Variants in OTULIN observed in about 807,000 individuals in gnomAD.
OTULIN encodes ubiquitin thioesterase otulin.
OTULIN carries 15 observed loss-of-function variants against 39.6 expected under a neutral mutation model. That is an observed-to-expected ratio of 0.38 (90% CI 0.25 to 0.58). OTULIN has a LOEUF of 0.58. OTULIN is among the 20% of genes least tolerant of loss of function. The probability of loss-of-function intolerance (pLI) is 0.66; values close to 1 mark genes in which losing one functional copy is unlikely to be tolerated. For synonymous variants in OTULIN, 156 were observed against 170.3 expected (o/e 0.92, Z 0.65); for missense variants, 319 against 445.9 (o/e 0.72, Z 2.56).
At chr5:14,678,937 G>C (rs1025096148) in intron 3 of OTULIN, among the ~76,000 whole-genome samples, 162 bp downstream of exon 3, 2 of 135,222 alleles carry the variant, frequency 1.5e-5, no homozygotes, top group East Asian at 1.9e-4. Flanking sequence ...CAAAGATAAG[G>C]GTTTTGTTTT....
the OTULIN span, chr5:14,707,384 C>T: frequency 2.0e-5 from 3 of 152,220 alleles, no homozygotes. Context: ...CCCCCTGCCC[C>T]TTCCCTCCAG....
At chr5:14,704,447 C>T (rs1736881600), downstream of OTULIN, among the ~76,000 whole-genome samples, 1 of 151,646 alleles carries the variant, frequency 6.6e-6, no homozygotes, top group Non-Finnish European at 1.5e-5. Context: ...CTGTCCTTCT[C>T]AGGCTCACCA....
At chr5:14,681,157 GTT>G (rs1736238985) in intron 3 of OTULIN, among the ~76,000 whole-genome samples, 1 of 151,780 alleles carries the variant, frequency 6.6e-6, no homozygotes, top group Admixed American at 6.6e-5. Context: ...CCCCCTTTGT[GTT>G]TTGGAAACTT....
chr5:14,695,630 T>G lies in OTULIN; in HGVS notation c.*2582T>G, dbSNP rs1736645998. 1 of 152,196 alleles carries G rather than the reference T, an allele frequency of 6.6e-6. No individual in the cohort carries two copies. Among genetic ancestry groups the G allele is most frequent in the African/African-American group, 2.4e-5 (1 of 41,446 alleles). 9.4% of individuals were successfully genotyped at this position (152,196 alleles called of 1,614,324 possible). A position where few individuals can be genotyped will look rare whatever the true frequency, so the allele number is the denominator to read the frequency against. ...CTAAAATAATTTCCCTGTATTATGC[T>G]TCATGGGATTAACACTGCTTTTCCA... On this transcript the variant is annotated 3_prime_UTR_variant, in exon 7 of 7. Coordinates refer to ENST00000284274, the MANE Select transcript of OTULIN (RefSeq NM_138348.6).
chr5:14,710,775 CTGTTGATTCTT>C, the OTULIN span: 2 of 205,676 alleles, frequency 9.7e-6, no homozygotes, highest in Non-Finnish European at 2.0e-5. Context: ...GAGTTTTAAC[CTGTTGATTCTT>C]AAGAGCGATG....
intron 2 of OTULIN, 140 bp from the exon 3 acceptor site, chr5:14,678,541 C>T (rs1466484060): frequency 6.6e-6 from 4 of 605,708 alleles, no homozygotes; most frequent in East Asian, 3.0e-5. Flanking sequence ...TCTGGACCAG[C>T]GGTTAGGCAG....
At chr5:14,675,140 G>A (rs1736072710) in intron 2 of OTULIN, among the ~76,000 whole-genome samples, 1 of 152,114 alleles carries the variant, frequency 6.6e-6, no homozygotes, top group African/African-American at 2.4e-5. Flanking sequence ...TAGTGCCTTA[G>A]ACTAGATCCT....
chr5:14,692,679 C>CCT (rs1736559481), intron 6 of OTULIN, among the ~76,000 whole-genome samples, 175 bp from the exon 7 acceptor site: 1 of 143,236 alleles, frequency 7.0e-6, no homozygotes, highest in African/African-American at 2.6e-5. Context: ...TGATTATCTG[C>CCT]TTTTTTTTTT....
At chr5:14,666,311 A>C (rs1016345512) in intron 1 of OTULIN, among the ~76,000 whole-genome samples, 1 of 152,214 alleles carries the variant, frequency 6.6e-6, no homozygotes, top group Non-Finnish European at 1.5e-5. Context: ...ACAGACAATG[A>C]TAGGAAGAGT....
chr5:14,683,534 C>T (rs1012027120), intron 4 of OTULIN, among the ~76,000 whole-genome samples: 2 of 152,122 alleles, frequency 1.3e-5, no homozygotes, highest in African/African-American at 2.4e-5. Flanking sequence ...CTTATTTTAA[C>T]TTCTGTGCTT....
At chr5:14,708,876 C>G in the OTULIN span, 1 of 150,968 alleles carries the variant, frequency 6.6e-6, no homozygotes, top group Non-Finnish European at 1.5e-5. Flanking sequence ...CTGATCCTTC[C>G]TGGATTTAGA....
chr5:14,713,434 C>G, the OTULIN span: 1 of 1,460,520 alleles, frequency 6.8e-7, no homozygotes, highest in Non-Finnish European at 9.4e-7. The surrounding 1 kb of genome is among the most constrained non-coding windows in gnomAD (Gnocchi z 4.4). Flanking sequence ...TCTGAATTTC[C>G]GATTCTAGAC....
chr5:14,682,111 G>A (rs1013574954), intron 4 of OTULIN, among the ~76,000 whole-genome samples: 3 of 152,212 alleles, frequency 2.0e-5, no homozygotes, highest in Admixed American at 2.0e-4. Flanking sequence ...CCTGTCCCAG[G>A]CCTGGCCCTC....
Position 14,696,454 on chromosome 5 carries a change from TAAAA to T in OTULIN, c.*3408_*3411del, listed in dbSNP as rs998215874. ...CATTTATGTAAGATCTGTGAGTACT[TAAAA>T]AGAAAGCCCTCAGTGTGTGTGAAGT... is the stretch of plus-strand genomic sequence containing the variant. On this transcript the variant is annotated 3_prime_UTR_variant, in exon 7 of 7. Coordinates refer to ENST00000284274, the MANE Select transcript of OTULIN (RefSeq NM_138348.6). 1 of 152,170 alleles carries T rather than the reference TAAAA, an allele frequency of 6.6e-6. No individual in the cohort carries two copies. Among genetic ancestry groups the T allele is most frequent in the Non-Finnish European group, 1.5e-5 (1 of 68,034 alleles). 9.4% of individuals were successfully genotyped at this position (152,170 alleles called of 1,614,324 possible).
chr5:14,687,555 T>C lies in OTULIN; in HGVS notation c.503T>C (p.Ile168Thr). 1 of 1,614,102 alleles carries C rather than the reference T, an allele frequency of 6.2e-7. No homozygotes were observed. The highest frequency in any genetic ancestry group is 8.5e-7 in the Non-Finnish European group (1 of 1,179,996). ...PEKLISKYNW[I>T]KQWKLGLKFD... is the part of the protein sequence containing the mutation. Reference sequence around the variant, plus strand: ...AAACTCATAAGCAAATACAACTGGATCAAGCAATGGAAACTTGGACTGAAA... The same window carrying C: ...AAACTCATAAGCAAATACAACTGGACCAAGCAATGGAAACTTGGACTGAAA... The change falls in exon 5 of 7, where the codon ATC becomes ACC. Residue 168 changes from isoleucine to threonine, a missense_variant. Around this residue, in one of 4 missense-constraint regions of OTULIN, gnomAD observed 54 missense variants for 50.7 expected, o/e 1.07. Coordinates refer to ENST00000284274, the MANE Select transcript of OTULIN (RefSeq NM_138348.6).
intron 3 of OTULIN, 50 bp from the exon 4 acceptor site, chr5:14,681,414 T>A: frequency 1.3e-6 from 2 of 1,545,112 alleles, no homozygotes. Flanking sequence ...CTTTCTCTGC[T>A]ATCTCAAGTC....
intron 2 of OTULIN, among the ~76,000 whole-genome samples, chr5:14,674,442 C>T (rs1211713442): frequency 1.3e-5 from 2 of 152,134 alleles, no homozygotes; most frequent in African/African-American, 2.4e-5. Context: ...GACTTCAAAA[C>T]GGTTGTGGAA....
At chr5:14,670,227 C>T (rs948583887) in intron 1 of OTULIN, among the ~76,000 whole-genome samples, 4 of 152,184 alleles carry the variant, frequency 2.6e-5, no homozygotes, top group African/African-American at 9.7e-5. Flanking sequence ...ACCACCACCC[C>T]AACTTGACAC....
chr5:14,676,796 C>T (rs1736115192), intron 2 of OTULIN, among the ~76,000 whole-genome samples: 1 of 152,166 alleles, frequency 6.6e-6, no homozygotes, highest in Non-Finnish European at 1.5e-5. Context: ...TCTGGACATT[C>T]GCATTTCTTC....
Sources: gnomAD v4.1 joint callset for allele counts (sites outside exome capture counted in the v4.1 genomes callset) on GRCh38, gnomAD v4.1.1 for gene constraint, gnomAD v4.1.1 regional missense constraint, Gnocchi (gnomAD v3.1) non-coding constraint, MANE v1.5 for transcripts, NCBI Gene and HGNC (gene_info 2026-07-23, HGNC 2026-07-21) for gene names.